Variants in PTGER2 observed in about 807,000 individuals in gnomAD.
PTGER2 encodes prostaglandin E2 receptor EP2 subtype.
PTGER2 carries 22 observed loss-of-function variants against 26.2 expected under a neutral mutation model. The observed-to-expected ratio is 0.84, with a 90% CI of 0.60 to 1.20. The LOEUF (loss-of-function observed/expected upper bound fraction) is 1.20, where lower values mean the gene tolerates loss of function less well. Among genes scored for constraint, PTGER2 ranks in the 50% most tolerant of loss-of-function variants. PTGER2 has a pLI of 0.00. For synonymous variants in PTGER2, 219 were observed against 208.9 expected (o/e 1.05, Z -0.42); for missense variants, 458 against 475.2 (o/e 0.96, Z 0.34).
chr14:52,315,417 G>A, intron 1 of PTGER2, 26 bp downstream of exon 1: 1 of 1,608,358 alleles, frequency 6.2e-7, no homozygotes, highest in Non-Finnish European at 8.5e-7. Flanking sequence ...CGTTTCCACA[G>A]CCCGGCTCTG....
chr14:52,320,130 A>G (rs1346796462), intron 1 of PTGER2, among the ~76,000 whole-genome samples: 4 of 152,262 alleles, frequency 2.6e-5, no homozygotes, highest in Non-Finnish European at 4.4e-5. Flanking sequence ...GTTAATGTCC[A>G]TAAACAACTG....
rs377525620 is a variant in PTGER2 at position 52,327,331 on chromosome 14, T to C, written c.954T>C (p.Leu318=). ...SIIDPWVFAI[L]RPPVLRLMRS... is the part of the protein sequence containing the mutation. ...TTGACCCTTGGGTCTTTGCCATCCT[T>C]AGGCCTCCTGTTCTGAGACTAATGC... is the stretch of plus-strand genomic sequence containing the variant. Residue 318 remains leucine, a synonymous_variant, in exon 2 of 2, where the codon CTT becomes CTC. Coordinates refer to ENST00000245457, the MANE Select transcript of PTGER2 (RefSeq NM_000956.4). 2.5e-4 allele frequency: 408 copies of C among 1,612,766 alleles called. No homozygotes were observed. Among genetic ancestry groups the C allele is most frequent in the Non-Finnish European group, 3.2e-4 (382 of 1,178,890 alleles).
In PTGER2 at chr14:52,314,405, G is replaced by T. The variant is rs2033809550; in HGVS notation, c.-144G>T. 1 of 1,034,906 alleles carries T rather than the reference G, an allele frequency of 9.7e-7. No homozygotes were observed. The allele number at this position is 1,034,906 out of a possible 1,614,324, so 64.1% of individuals were successfully genotyped here. ...GGAGACCCAGGGCAAGCCGCCGTCG[G>T]CGCGCTGGGTGCGGGAAGGGGGCTC... On this transcript the variant is annotated 5_prime_UTR_variant, in exon 1 of 2. Transcript: ENST00000245457. This position sits in a 1 kb window ranked among gnomAD's most constrained non-coding sequence, Gnocchi z 5.7.
In PTGER2 at chr14:52,314,657, C is replaced by A; in HGVS notation, c.109C>A (p.Leu37Met). 1 of 1,520,012 alleles carries A rather than the reference C, an allele frequency of 6.6e-7. No homozygotes were observed. 94.2% of individuals were successfully genotyped at this position (1,520,012 alleles called of 1,614,324 possible). The change falls in exon 1 of 2, where the codon CTG becomes ATG. Residue 37 changes from leucine (L) to methionine (M), a missense_variant. By Grantham distance (15) the Leu-to-Met change is conservative. Transcript: ENST00000245457. The surrounding 1 kb of genome is among the most constrained non-coding windows in gnomAD (Gnocchi z 5.7). Reference protein sequence around the residue: ...ISSVMFSAGVLGNLIALALLA... With the variant: ...ISSVMFSAGVMGNLIALALLA... ...CTCCGTCATGTTCTCGGCCGGGGTG[C>A]TGGGGAACCTCATAGCACTGGCGCT...
At position 52,314,333 on chromosome 14, in the gene PTGER2, G is replaced by T; in HGVS notation, c.-216G>T. Reference sequence around the variant, plus strand: ...CGGCGCGGGTAGGCGCGGGAGCCTCGAGCGCCGCTCGGATGCAGCAGCCGA... The same window carrying T: ...CGGCGCGGGTAGGCGCGGGAGCCTCTAGCGCCGCTCGGATGCAGCAGCCGA... On this transcript the variant is annotated 5_prime_UTR_variant, in exon 1 of 2. Transcript: ENST00000245457. The surrounding 1 kb of genome is among the most constrained non-coding windows in gnomAD (Gnocchi z 5.7). The T allele has an allele frequency of 2.3e-6, 1 of 439,522 alleles. No individual in the cohort carries two copies. Among genetic ancestry groups the T allele is most frequent in the East Asian group, 4.0e-5 (1 of 24,882 alleles). 27.2% of individuals were successfully genotyped at this position (439,522 alleles called of 1,614,324 possible). A position where few individuals can be genotyped will look rare whatever the true frequency, so the allele number is the denominator to read the frequency against.
chr14:52,322,037 CT>C (rs1467414064), intron 1 of PTGER2, among the ~76,000 whole-genome samples: 1 of 152,200 alleles, frequency 6.6e-6, no homozygotes. Flanking sequence ...ACTTGGAGCA[CT>C]TTGCAAACCT....
At chr14:52,323,288 C>A (rs1021197532) in intron 1 of PTGER2, among the ~76,000 whole-genome samples, 1 of 57,476 alleles carries the variant, frequency 1.7e-5, no homozygotes, top group Non-Finnish European at 6.3e-5. Context: ...GAGACTCACT[C>A]TGTCACCCAG....
At chr14:52,325,381 A>G (rs1462811645) in intron 1 of PTGER2, among the ~76,000 whole-genome samples, 1 of 152,176 alleles carries the variant, frequency 6.6e-6, no homozygotes, top group Non-Finnish European at 1.5e-5. Flanking sequence ...CTGCAACACC[A>G]GAGGCTATGC....
rs1244735506 is a variant in PTGER2 at position 52,314,361 on chromosome 14, C to T, written c.-188C>T. 3.3e-6 allele frequency: 2 copies of T among 597,930 alleles called. No homozygotes were observed. The highest frequency in any genetic ancestry group is 4.9e-6 in the Non-Finnish European group (2 of 411,700). The allele number at this position is 597,930 out of a possible 1,614,324, so 37.0% of individuals were successfully genotyped here. On this transcript the variant is annotated 5_prime_UTR_variant, in exon 1 of 2. Coordinates refer to ENST00000245457, the MANE Select transcript of PTGER2 (RefSeq NM_000956.4). This position sits in a 1 kb window ranked among gnomAD's most constrained non-coding sequence, Gnocchi z 5.7. Reference sequence around the variant, plus strand: ...CGCCGCTCGGATGCAGCAGCCGAGCCGCCACTCGGCGCGCGGCGGGAGACC... The same window carrying T: ...CGCCGCTCGGATGCAGCAGCCGAGCTGCCACTCGGCGCGCGGCGGGAGACC...
Position 52,314,502 on chromosome 14 carries a change from G to T in PTGER2, c.-47G>T. On this transcript the variant is annotated 5_prime_UTR_variant, in exon 1 of 2. Coordinates refer to ENST00000245457, the MANE Select transcript of PTGER2 (RefSeq NM_000956.4). This position sits in a 1 kb window ranked among gnomAD's most constrained non-coding sequence, Gnocchi z 5.7. ...GGCTCTCAGACCCTCTTCCTCCCAG[G>T]TAAAGGCCGGGAGAGGAGGGCGCAT... The T allele has an allele frequency of 7.0e-7, 1 of 1,434,942 alleles. No homozygotes were observed. Among genetic ancestry groups the T allele is most frequent in the Non-Finnish European group, 9.1e-7 (1 of 1,093,728 alleles). The allele number at this position is 1,434,942 out of a possible 1,614,324, so 88.9% of individuals were successfully genotyped here.
In PTGER2 at chr14:52,314,575, G is replaced by A. The variant is rs373293918; in HGVS notation, c.27G>A (p.Gln9=). The A allele has an allele frequency of 1.3e-6, 2 of 1,508,462 alleles. No individual in the cohort carries two copies. The highest frequency in any genetic ancestry group is 1.8e-6 in the Non-Finnish European group (2 of 1,128,310). 93.4% of individuals were successfully genotyped at this position (1,508,462 alleles called of 1,614,324 possible). Residue 9 remains glutamine, a synonymous_variant, in exon 1 of 2, where the codon CAG becomes CAA. Transcript: ENST00000245457. This position sits in a 1 kb window ranked among gnomAD's most constrained non-coding sequence, Gnocchi z 5.7. The stretch of plus-strand genomic sequence containing the variant: ...TGGGCAATGCCTCCAATGACTCCCA[G>A]TCTGAGGACTGCGAGACGCGACAGT... MGNASNDS[Q]SEDCETRQWL... is the part of the protein sequence containing the mutation.
At chr14:52,318,028 A>T (rs1417234519) in intron 1 of PTGER2, among the ~76,000 whole-genome samples, 6 of 152,252 alleles carry the variant, frequency 3.9e-5, no homozygotes, top group Non-Finnish European at 7.3e-5. Context: ...TGAAGGGCTT[A>T]TCTGAAAATT....
intron 1 of PTGER2, among the ~76,000 whole-genome samples, chr14:52,325,379 C>T (rs1323692240): frequency 6.6e-6 from 1 of 152,176 alleles, no homozygotes; most frequent in Non-Finnish European, 1.5e-5. Flanking sequence ...AGCTGCAACA[C>T]CAGAGGCTAT....
chr14:52,318,505 T>G (rs1469844934), intron 1 of PTGER2, among the ~76,000 whole-genome samples: 1 of 152,238 alleles, frequency 6.6e-6, no homozygotes, highest in African/African-American at 2.4e-5. Context: ...GTTTCTTCCT[T>G]GTATCCCAGA....
At chr14:52,324,465 G>A (rs1008014435) in intron 1 of PTGER2, among the ~76,000 whole-genome samples, 1 of 152,194 alleles carries the variant, frequency 6.6e-6, no homozygotes, top group African/African-American at 2.4e-5. Context: ...GCCCTGGATA[G>A]GTTAGTCTGT....
Position 52,327,403 on chromosome 14 carries a change from A to T in PTGER2, c.1026A>T (p.Thr342=), listed in dbSNP as rs773285985. The T allele has an allele frequency of 1.2e-6, 2 of 1,613,752 alleles. No homozygotes were observed. Among genetic ancestry groups the T allele is most frequent in the Non-Finnish European group, 1.7e-6 (2 of 1,179,746 alleles). The stretch of plus-strand genomic sequence containing the variant: ...TTTCATTAAGAACACAAGATGCAAC[A>T]CAAACTTCCTGTTCTACACAGTCAG... ...CRISLRTQDA[T]QTSCSTQSDA... is the part of the protein sequence containing the mutation. The change falls in exon 2 of 2, where the codon ACA becomes ACT. Residue 342 remains threonine, a synonymous_variant. Coordinates refer to ENST00000245457, the MANE Select transcript of PTGER2 (RefSeq NM_000956.4).
At chr14:52,318,032 G>A (rs2033858556) in intron 1 of PTGER2, among the ~76,000 whole-genome samples, 4 of 152,220 alleles carry the variant, frequency 2.6e-5, no homozygotes, top group Admixed American at 2.6e-4. Context: ...GGGCTTATCT[G>A]AAAATTCAAG....
chr14:52,321,033 T>A (rs1185937388), intron 1 of PTGER2, among the ~76,000 whole-genome samples: 1 of 152,228 alleles, frequency 6.6e-6, no homozygotes, highest in Non-Finnish European at 1.5e-5. Context: ...AGAGCCACCA[T>A]CTTGGAATAA....
intron 1 of PTGER2, among the ~76,000 whole-genome samples, chr14:52,319,607 C>G (rs2033875378): frequency 6.6e-6 from 1 of 152,196 alleles, no homozygotes; most frequent in Admixed American, 6.5e-5. Flanking sequence ...AAACTTTCTT[C>G]CTGAAATGGA....
Sources: allele counts gnomAD v4.1 joint callset (sites outside exome capture counted in the v4.1 genomes callset), GRCh38; gene constraint gnomAD v4.1.1; non-coding constraint Gnocchi (gnomAD v3.1); transcripts MANE v1.5; gene names NCBI Gene and HGNC (gene_info 2026-07-23, HGNC 2026-07-21).